BLVRA: variants seen among roughly 807,000 people sequenced by gnomAD.
The protein encoded by BLVRA is BVR A.
In BLVRA, 22 loss-of-function variants were observed where a neutral mutation model predicts 32.8. That is an observed-to-expected ratio of 0.67 (90% CI 0.48 to 0.96). The LOEUF (loss-of-function observed/expected upper bound fraction) is 0.96. Ranked by LOEUF, BLVRA falls within the 40% of genes least tolerant of loss-of-function variation. The pLI is 0.00. For synonymous variants in BLVRA, 119 were observed against 141.3 expected, an observed-to-expected ratio of 0.84 and a Z score of 1.12; for missense variants, 323 against 358.1, an observed-to-expected ratio of 0.90 and a Z score of 0.79.
intron 6 of BLVRA, among the ~76,000 whole-genome samples, chr7:43,803,102 A>G (rs2095800508): frequency 6.6e-6 from 1 of 152,198 alleles, no homozygotes; most frequent in Admixed American, 6.5e-5. Context: ...TTAACATTGT[A>G]TCAATTTTCT....
At chr7:43,793,020 T>C (rs1404787946) in intron 5 of BLVRA, among the ~76,000 whole-genome samples, 2 of 152,200 alleles carry the variant, frequency 1.3e-5, no homozygotes, top group Non-Finnish European at 2.9e-5. Context: ...GGTCAAAGCT[T>C]ATCAGCTTAT....
intron 5 of BLVRA, among the ~76,000 whole-genome samples, chr7:43,799,196 A>G (rs942562853): frequency 2.0e-5 from 3 of 152,222 alleles, no homozygotes; most frequent in African/African-American, 7.2e-5. Flanking sequence ...CCTGCGACAG[A>G]CATCCTCCTT....
At chr7:43,768,471 G>A (rs961344685) in intron 1 of BLVRA, among the ~76,000 whole-genome samples, 26 of 152,178 alleles carry the variant, frequency 1.7e-4, no homozygotes, top group African/African-American at 5.8e-4. Context: ...TGCCTTGGCT[G>A]TGAAGCAGGG....
intron 1 of BLVRA, among the ~76,000 whole-genome samples, chr7:43,762,285 G>A (rs915703799): frequency 6.6e-6 from 1 of 151,896 alleles, no homozygotes; most frequent in African/African-American, 2.4e-5. Context: ...CAGCATCCCT[G>A]GCCTTTCCCT....
At chr7:43,791,649 A>G (rs2095786216) in intron 4 of BLVRA, 2 of 377,176 alleles carry the variant, frequency 5.3e-6, no homozygotes, top group Non-Finnish European at 1.0e-5. Context: ...GTAAAAACCC[A>G]TCGAGAGTAG....
intron 6 of BLVRA, 21 bp downstream of exon 6, chr7:43,800,593 C>G: frequency 6.2e-7 from 1 of 1,600,012 alleles, no homozygotes; most frequent in Non-Finnish European, 8.6e-7. Context: ...CGTGGGATCA[C>G]AGGTCACATG....
chr7:43,764,728 A>C (rs1585709009), intron 1 of BLVRA, among the ~76,000 whole-genome samples: 1 of 152,284 alleles, frequency 6.6e-6, no homozygotes. Context: ...TCAGTTAACC[A>C]AGCCAGACAC....
chr7:43,766,401 G>T (rs2095747988), intron 1 of BLVRA, among the ~76,000 whole-genome samples: 1 of 151,752 alleles, frequency 6.6e-6, no homozygotes, highest in South Asian at 2.1e-4. Flanking sequence ...TTAGAAAATA[G>T]AATGTTTTTG....
At position 43,802,510 on chromosome 7, in the gene BLVRA, T is replaced by A. The variant is rs545883095; in HGVS notation, c.461-1166T>A. On this transcript the variant is annotated intron_variant, in intron 6 of 7. Transcript: ENST00000265523. The stretch of plus-strand genomic sequence containing the variant: ...CTTTTTTATGTTTATATATATATAT[T>A]TTTTTGATATAGGGTATCACTCTGT... 3.8e-3 allele frequency among the ~76,000 whole-genome samples: 575 copies of A among 152,048 alleles called. 5 individuals carry two copies. Among genetic ancestry groups the A allele is most frequent in the African/African-American group, 0.011 (461 of 41,476 alleles).
chr7:43,791,939 T>A (rs2095786636), intron 4 of BLVRA: 1 of 160,728 alleles, frequency 6.2e-6, no homozygotes, highest in Admixed American at 5.8e-5. Flanking sequence ...TTCCTCTTTA[T>A]CAGTCTAGCT....
intron 2 of BLVRA, among the ~76,000 whole-genome samples, chr7:43,777,762 C>T (rs1462636207): frequency 3.9e-5 from 6 of 152,268 alleles, no homozygotes; most frequent in Admixed American, 2.0e-4. Flanking sequence ...CCATTCTCCC[C>T]GTCACTTTCA....
chr7:43,762,914 G>T (rs1308161476), intron 1 of BLVRA, among the ~76,000 whole-genome samples: 1 of 152,068 alleles, frequency 6.6e-6, no homozygotes, highest in African/African-American at 2.4e-5. Context: ...ACCGTGCCCG[G>T]CCCTTAACCC....
chr7:43,802,278 G>A (rs2132595157), intron 6 of BLVRA, among the ~76,000 whole-genome samples: 1 of 152,136 alleles, frequency 6.6e-6, no homozygotes. Context: ...ATTTTTGTTT[G>A]GTTTTATATA....
At chr7:43,785,445 T>C (rs1366251326) in intron 2 of BLVRA, among the ~76,000 whole-genome samples, 2 of 152,190 alleles carry the variant, frequency 1.3e-5, no homozygotes, top group African/African-American at 4.8e-5. Flanking sequence ...TACTCTTCCC[T>C]GACTTCCAGA....
chr7:43,791,930 T>C (rs752018135), intron 4 of BLVRA: 2 of 162,004 alleles, frequency 1.2e-5, no homozygotes, highest in Non-Finnish European at 2.7e-5. Context: ...GTAAGATGCT[T>C]CCTCTTTATC....
chr7:43,798,191 A>T (rs2095794800), intron 5 of BLVRA, among the ~76,000 whole-genome samples: 1 of 100,838 alleles, frequency 9.9e-6, no homozygotes, highest in Non-Finnish European at 1.8e-5. Context: ...GAGACTCCCC[A>T]TCTCACAAAA....
At chr7:43,768,513 G>T (rs541648470) in intron 1 of BLVRA, among the ~76,000 whole-genome samples, 1 of 152,092 alleles carries the variant, frequency 6.6e-6, no homozygotes, top group Admixed American at 6.5e-5. Flanking sequence ...CAGGCACTTC[G>T]TCTGTAAAAT....
At chr7:43,778,775 G>T (rs2095764846) in intron 2 of BLVRA, among the ~76,000 whole-genome samples, 1 of 152,246 alleles carries the variant, frequency 6.6e-6, no homozygotes, top group East Asian at 1.9e-4. Context: ...TACAGAGGCA[G>T]GCAGGCCTCC....
chr7:43,805,202 G>T (rs1011517899), intron 7 of BLVRA, among the ~76,000 whole-genome samples: 1 of 152,184 alleles, frequency 6.6e-6, no homozygotes, highest in Non-Finnish European at 1.5e-5. Context: ...ATGGGAGGCG[G>T]TGCCTTGTTT....
Sources: gnomAD v4.1 joint callset for allele counts (sites outside exome capture counted in the v4.1 genomes callset) on GRCh38, gnomAD v4.1.1 for gene constraint, MANE v1.5 for transcripts, NCBI Gene and HGNC (gene_info 2026-07-23, HGNC 2026-07-21) for gene names.